The following IPPK variants were observed in gnomAD, a reference collection of about 807,000 sequenced individuals.
IPPK encodes the protein IPK1 homolog.
IPPK carries 22 observed loss-of-function variants against 64.6 expected under a neutral mutation model. That is an observed-to-expected ratio of 0.34 (90% CI 0.24 to 0.49). IPPK has a LOEUF of 0.49. IPPK is among the 20% of genes least tolerant of loss of function. The pLI is 0.99. For synonymous variants in IPPK, 262 were observed against 247.2 expected, an observed-to-expected ratio of 1.06 and a Z score of -0.56; for missense variants, 532 against 630.7, an observed-to-expected ratio of 0.84 and a Z score of 1.68.
At chr9:92,651,010 T>C (rs1475159821) in intron 4 of IPPK, among the ~76,000 whole-genome samples, 1 of 152,068 alleles carries the variant, frequency 6.6e-6, no homozygotes, top group African/African-American at 2.4e-5. Context: ...TGTTATGAAA[T>C]GGCAGGCTGA....
intron 11 of IPPK, among the ~76,000 whole-genome samples, chr9:92,632,604 G>A (rs191786936): frequency 8.1e-4 from 124 of 152,292 alleles, no homozygotes; most frequent in Admixed American, 3.3e-3. Flanking sequence ...CTAAATCAAC[G>A]TACCCAACTG....
At chr9:92,634,235 G>A in intron 11 of IPPK, 151 bp downstream of exon 11, 1 of 615,854 alleles carries the variant, frequency 1.6e-6, no homozygotes, top group Non-Finnish European at 2.9e-6. Flanking sequence ...AGTTCATCTG[G>A]GAGAAACTTC....
chr9:92,613,187 T>C lies in IPPK; in HGVS notation c.*2645A>G, dbSNP rs1365306781. The stretch of plus-strand genomic sequence containing the variant: ...GAACGTGGAGGATGAAGATGCTGCG[T>C]GGAGGAACATGCAATTTTATTCAAT... On this transcript the variant is annotated 3_prime_UTR_variant, in exon 13 of 13. Transcript: ENST00000287996. 2 of 1,612,572 alleles carry C rather than the reference T, an allele frequency of 1.2e-6. No homozygotes were observed. Among genetic ancestry groups the C allele is most frequent in the East Asian group, 4.5e-5 (2 of 44,838 alleles).
At chr9:92,652,341 C>G (rs140359079) in intron 4 of IPPK, among the ~76,000 whole-genome samples, 6 of 149,368 alleles carry the variant, frequency 4.0e-5, no homozygotes, top group African/African-American at 1.5e-4. Context: ...CCCAGCTACT[C>G]GGGAGGCTGA....
intron 3 of IPPK, among the ~76,000 whole-genome samples, chr9:92,656,157 C>T (rs777041668): frequency 7.2e-5 from 11 of 152,174 alleles, no homozygotes; most frequent in Non-Finnish European, 1.3e-4. Context: ...AGAGCAATGC[C>T]ATTGCTTGAG....
rs1285060706 is a variant in IPPK, at chr9:92,615,987, C to T, written c.1321G>A (p.Asp441Asn). 6.2e-7 allele frequency: 1 copy of T among 1,614,014 alleles called. No individual in the cohort carries two copies. Among genetic ancestry groups the T allele is most frequent in the African/African-American group, 1.3e-5 (1 of 74,908 alleles). ...FAFSVSVLDL[D>N]LKPYESIPHQ... ...GGAATGCTCTCGTAGGGCTTGAGGT[C>T]AAGGTCCAGCACAGACACGGAAAAG... Residue 441 changes from aspartate to asparagine, a missense_variant, in exon 13 of 13, where the codon GAC becomes AAC. Physicochemically the swap from Asp to Asn is conservative, Grantham distance 23. Transcript: ENST00000287996.
At chr9:92,622,179 T>A (rs1851651757) in intron 11 of IPPK, among the ~76,000 whole-genome samples, 1 of 152,164 alleles carries the variant, frequency 6.6e-6, no homozygotes. Context: ...GGAACAAACT[T>A]CTTTAATCTG....
At chr9:92,626,705 GA>G (rs1157983785) in intron 11 of IPPK, among the ~76,000 whole-genome samples, 4 of 152,062 alleles carry the variant, frequency 2.6e-5, no homozygotes, top group African/African-American at 9.7e-5. Context: ...CACAAATAGA[GA>G]AAGCATAACA....
intron 5 of IPPK, among the ~76,000 whole-genome samples, chr9:92,648,389 G>A (rs72756425): frequency 0.051 from 7,810 of 152,274 alleles, 238 homozygotes; most frequent in South Asian, 0.11. Context: ...TGGTGCCTCT[G>A]CACTAGCTCA....
chr9:92,640,408 A>AG (rs1181702850), intron 8 of IPPK, among the ~76,000 whole-genome samples: 1 of 151,776 alleles, frequency 6.6e-6, no homozygotes, highest in African/African-American at 2.4e-5. Flanking sequence ...TCTGCTTATA[A>AG]GGGGAGACCA....
chr9:92,667,594 A>G (rs1852626427), intron 1 of IPPK, among the ~76,000 whole-genome samples: 1 of 152,222 alleles, frequency 6.6e-6, no homozygotes. Context: ...ACCAAGCAGG[A>G]ATGAGCACAG....
intron 7 of IPPK, among the ~76,000 whole-genome samples, chr9:92,641,356 C>T (rs1490221161): frequency 6.6e-6 from 1 of 152,212 alleles, no homozygotes; most frequent in African/African-American, 2.4e-5. Flanking sequence ...CCTGACCCTG[C>T]CAGTAGGGAC....
At chr9:92,625,284 C>A (rs1285532605) in intron 11 of IPPK, among the ~76,000 whole-genome samples, 1 of 152,112 alleles carries the variant, frequency 6.6e-6, no homozygotes, top group African/African-American at 2.4e-5. Flanking sequence ...CTGTCTTCAA[C>A]TGTTGCAAGA....
chr9:92,669,564 G>A (rs1411245864), intron 1 of IPPK, among the ~76,000 whole-genome samples: 6 of 152,210 alleles, frequency 3.9e-5, no homozygotes, highest in South Asian at 2.1e-4. Context: ...CCAGGCGGGA[G>A]GCGGCACCGC....
intron 2 of IPPK, 36 bp downstream of exon 2, chr9:92,658,598 T>C (rs760386386): frequency 2.6e-6 from 4 of 1,539,024 alleles, no homozygotes; most frequent in East Asian, 4.5e-5. Context: ...TCTTAAATAA[T>C]TGTTGTAAGT....
In IPPK at chr9:92,619,531, T is replaced by G. The variant is rs1349678548; in HGVS notation, c.1205A>C (p.Asp402Ala). ...QQYRVAMTAK[D>A]CSIMIALSPC... The stretch of plus-strand genomic sequence containing the variant: ...AGACAGTGCAATCATGATGGAGCAG[T>G]CCTTGGCAGTCATGGCGACGCGGTA... Residue 402 changes from aspartate to alanine, a missense_variant, in exon 12 of 13, where the codon GAC becomes GCC. Asp to Ala is a moderately radical substitution (Grantham distance 126, BLOSUM62 -2). Transcript: ENST00000287996. 6.3e-7 allele frequency: 1 copy of G among 1,592,230 alleles called. No homozygotes were observed. Among genetic ancestry groups the G allele is most frequent in the East Asian group, 2.3e-5 (1 of 44,262 alleles).
intron 2 of IPPK, 132 bp downstream of exon 2, chr9:92,658,502 C>A: frequency 1.3e-6 from 1 of 777,218 alleles, no homozygotes; most frequent in South Asian, 1.6e-5. Context: ...GATGGACACA[C>A]CACTTTCTGC....
intron 11 of IPPK, among the ~76,000 whole-genome samples, chr9:92,621,676 G>A (rs539563419): frequency 2.0e-5 from 3 of 151,884 alleles, no homozygotes; most frequent in African/African-American, 7.2e-5. Context: ...CACCATACTC[G>A]GCTGATTTTT....
intron 11 of IPPK, among the ~76,000 whole-genome samples, chr9:92,628,476 G>T (rs946666573): frequency 6.6e-6 from 1 of 152,218 alleles, no homozygotes. Context: ...CAGACATATA[G>T]ATCAATGAAC....
Sources: gnomAD v4.1 joint callset for allele counts (sites outside exome capture counted in the v4.1 genomes callset) on GRCh38, gnomAD v4.1.1 for gene constraint, MANE v1.5 for transcripts, NCBI Gene and HGNC (gene_info 2026-07-23, HGNC 2026-07-21) for gene names.